Variants in SLIT2 observed in about 807,000 individuals in gnomAD.
SLIT2 encodes slit guidance ligand 2, also known as slit homolog 2 protein.
Under a neutral mutation model 185.7 loss-of-function variants are expected in SLIT2, and 41 were observed. That is an observed-to-expected ratio of 0.22 (90% CI 0.17 to 0.29). The LOEUF is 0.29. SLIT2 is among the 10% of genes least tolerant of loss of function. The pLI is 1.00. For synonymous variants in SLIT2, 693 were observed against 680.2 expected (o/e 1.02, Z -0.29); for missense variants, 1,571 against 1,909.0 (o/e 0.82, Z 3.30).
chr4:20,518,002 T>G (rs1330643295), intron 11 of SLIT2, among the ~76,000 whole-genome samples: 7 of 150,930 alleles, frequency 4.6e-5, no homozygotes, highest in Non-Finnish European at 8.9e-5. Flanking sequence ...AATATGTAGA[T>G]GTAAGTTCAA....
chr4:20,606,941 C>T (rs1401343920), intron 33 of SLIT2, among the ~76,000 whole-genome samples: 1 of 152,174 alleles, frequency 6.6e-6, no homozygotes, highest in Non-Finnish European at 1.5e-5. Flanking sequence ...AGGTATTCCT[C>T]AGGTTTTTGA....
chr4:20,260,037 A>G (rs900674290), intron 3 of SLIT2, among the ~76,000 whole-genome samples: 3 of 152,014 alleles, frequency 2.0e-5, no homozygotes, highest in South Asian at 2.1e-4. Context: ...TTAAAAATAC[A>G]TTAAATGGCA....
At chr4:20,423,253 G>A (rs1728300386) in intron 4 of SLIT2, among the ~76,000 whole-genome samples, 1 of 151,958 alleles carries the variant, frequency 6.6e-6, no homozygotes, top group African/African-American at 2.4e-5. Context: ...TTGAGATAAA[G>A]GAGGCATATT....
chr4:20,373,644 C>T (rs1416573415), intron 4 of SLIT2, among the ~76,000 whole-genome samples: 2 of 152,052 alleles, frequency 1.3e-5, no homozygotes, highest in African/African-American at 2.4e-5. Flanking sequence ...TTAATTTACT[C>T]ACTTGATAAA....
chr4:20,346,999 A>G (rs1460693040), intron 4 of SLIT2, among the ~76,000 whole-genome samples: 1 of 152,140 alleles, frequency 6.6e-6, no homozygotes, highest in Non-Finnish European at 1.5e-5. Context: ...CTTTGGCAAC[A>G]CCCTCACAGA....
intron 4 of SLIT2, among the ~76,000 whole-genome samples, chr4:20,451,980 G>A (rs534554172): frequency 3.9e-4 from 59 of 152,300 alleles, no homozygotes; most frequent in Admixed American, 2.0e-3. Flanking sequence ...TTTGCGTTAC[G>A]TTAAAAATGT....
chr4:20,517,669 A>G (rs1436312978), intron 11 of SLIT2, among the ~76,000 whole-genome samples: 1 of 152,158 alleles, frequency 6.6e-6, no homozygotes, highest in Admixed American at 6.6e-5. Flanking sequence ...GACAAATGGA[A>G]TATCTCTTTA....
At chr4:20,553,560 G>A (rs576325161) in intron 25 of SLIT2, among the ~76,000 whole-genome samples, 2 of 152,262 alleles carry the variant, frequency 1.3e-5, no homozygotes, top group African/African-American at 2.4e-5. Context: ...AGCAACATGA[G>A]TGTTGACACC....
intron 4 of SLIT2, among the ~76,000 whole-genome samples, chr4:20,296,725 G>T (rs1265154887): frequency 6.6e-6 from 1 of 152,132 alleles, no homozygotes; most frequent in African/African-American, 2.4e-5. Flanking sequence ...TCAGTGTGAT[G>T]GAATATCTGT....
chr4:20,539,796 T>C (rs1722640539), intron 19 of SLIT2, among the ~76,000 whole-genome samples: 1 of 152,200 alleles, frequency 6.6e-6, no homozygotes. Context: ...TATAGTATTG[T>C]TCAGTGAATT....
chr4:20,257,752 A>G (rs954215519), intron 2 of SLIT2, 116 bp from the exon 3 acceptor site: 5 of 689,148 alleles, frequency 7.3e-6, no homozygotes, highest in Admixed American at 5.2e-5. Context: ...ATCTCAAATC[A>G]GAGCACAATT....
At position 20,620,101 on chromosome 4, in the gene SLIT2, T is replaced by G; in HGVS notation, c.*1092T>G. The G allele has an allele frequency of 4.3e-6, 1 of 232,746 alleles. No individual in the cohort carries two copies. The highest frequency in any genetic ancestry group is 5.6e-5 in the South Asian group (1 of 17,746). 14.4% of individuals were successfully genotyped at this position (232,746 alleles called of 1,614,324 possible). On this transcript the variant is annotated 3_prime_UTR_variant, in exon 37 of 37. Transcript: ENST00000504154. ...AGAAATCTGTATGTGAGATGGTCATTGTACAGAAAGAAGTGGCCCCTCTGC... is the reference window on the plus strand; with the variant it reads ...AGAAATCTGTATGTGAGATGGTCATGGTACAGAAAGAAGTGGCCCCTCTGC...
At chr4:20,328,564 A>G (rs1719789208) in intron 4 of SLIT2, among the ~76,000 whole-genome samples, 1 of 152,074 alleles carries the variant, frequency 6.6e-6, no homozygotes, top group African/African-American at 2.4e-5. Flanking sequence ...TGCAATAAAA[A>G]CAATAGAATA....
intron 5 of SLIT2, among the ~76,000 whole-genome samples, chr4:20,471,359 G>A (rs574067467): frequency 6.6e-6 from 1 of 152,200 alleles, no homozygotes; most frequent in East Asian, 1.9e-4. Context: ...TGAAACTGGT[G>A]AACATAAGTC....
chr4:20,352,695 C>T (rs112675411), intron 4 of SLIT2, among the ~76,000 whole-genome samples: 33,432 of 152,000 alleles, frequency 0.22, 4,025 homozygotes, highest in Non-Finnish European at 0.28. Flanking sequence ...AGGCAGATCA[C>T]GAGGTCAGGA....
At chr4:20,441,281 G>C (rs77374038) in intron 4 of SLIT2, among the ~76,000 whole-genome samples, 1 of 151,948 alleles carries the variant, frequency 6.6e-6, no homozygotes, top group African/African-American at 2.4e-5. Flanking sequence ...CATACATTTC[G>C]TGCTTGTGGC....
intron 9 of SLIT2, among the ~76,000 whole-genome samples, chr4:20,506,856 G>A (rs960160442): frequency 5.9e-5 from 9 of 151,940 alleles, no homozygotes; most frequent in East Asian, 1.9e-4. Flanking sequence ...ATGCAATTAC[G>A]TTTTGCCTTA....
intron 9 of SLIT2, among the ~76,000 whole-genome samples, chr4:20,505,580 C>G (rs547369652): frequency 2.9e-4 from 44 of 152,048 alleles, no homozygotes; most frequent in African/African-American, 1.1e-3. Flanking sequence ...TTTTTAATTG[C>G]CCAGTCATAC....
At chr4:20,481,471 G>A (rs1355512) in intron 6 of SLIT2, among the ~76,000 whole-genome samples, 28,811 of 151,950 alleles carry the variant, frequency 0.19, 3,169 homozygotes, top group Non-Finnish European at 0.25. Context: ...AGCATTATAT[G>A]CCGCCTATAC....
Sources: gnomAD v4.1 joint callset for allele counts (sites outside exome capture counted in the v4.1 genomes callset) on GRCh38, gnomAD v4.1.1 for gene constraint, MANE v1.5 for transcripts, NCBI Gene and HGNC (gene_info 2026-07-23, HGNC 2026-07-21) for gene names.